The following TRDN variants were observed in gnomAD, a reference collection of about 807,000 sequenced individuals.
TRDN encodes triadin in skeletal muscle.
A neutral mutation model predicts 149.7 loss-of-function variants in TRDN; 161 were observed. That is an observed-to-expected ratio of 1.08 (90% CI 0.95 to 1.23). The LOEUF (loss-of-function observed/expected upper bound fraction) is 1.23. Among genes scored for constraint, TRDN ranks in the 50% most tolerant of loss-of-function variants. TRDN has a pLI of 0.00. For synonymous variants in TRDN, 294 were observed against 250.5 expected (o/e 1.17, Z -1.64); for missense variants, 896 against 823.5 (o/e 1.09, Z -1.08).
intron 12 of TRDN, among the ~76,000 whole-genome samples, chr6:123,434,957 T>G (rs1738639394): frequency 6.6e-6 from 1 of 151,746 alleles, no homozygotes; most frequent in African/African-American, 2.4e-5. Context: ...ACCTACAACT[T>G]CCCCAGAGAT....
Position 123,438,976 on chromosome 6 carries a change from T to G in TRDN, c.959A>C (p.Glu320Ala), listed in dbSNP as rs767864051. 6 of 1,561,746 alleles carry G rather than the reference T, an allele frequency of 3.8e-6. No individual in the cohort carries two copies. The highest frequency in any genetic ancestry group is 5.2e-6 in the Non-Finnish European group (6 of 1,151,644). Residue 320 changes from glutamate to alanine, a missense_variant, in exon 11 of 41, where the codon GAG becomes GCG. Physicochemically the swap from Glu to Ala is moderately radical, Grantham distance 107. Coordinates refer to ENST00000334268, the MANE Select transcript of TRDN (RefSeq NM_006073.4). ...EEKEGEKKKAEKKVTSETKKK... is the reference protein window; with the variant it reads ...EEKEGEKKKAAKKVTSETKKK... Reference sequence around the variant, plus strand: ...TTTTGTTTCAGAAGTAACTTTCTTCTCAGCCTTCTTCTTTTCCCCTTCTTT... The same window carrying G: ...TTTTGTTTCAGAAGTAACTTTCTTCGCAGCCTTCTTCTTTTCCCCTTCTTT...
chr6:123,282,092 A>G (rs191484185), intron 24 of TRDN, among the ~76,000 whole-genome samples: 85 of 152,124 alleles, frequency 5.6e-4, no homozygotes, highest in African/African-American at 2.0e-3. Context: ...GAGGGAATGT[A>G]ATATGAAGAC....
intron 1 of TRDN, among the ~76,000 whole-genome samples, chr6:123,578,995 A>T (rs774427312): frequency 9.2e-5 from 14 of 152,072 alleles, no homozygotes; most frequent in Non-Finnish European, 1.9e-4. Context: ...TTTGTACATT[A>T]CTTTGTATTC....
rs1346423471 is a variant in TRDN, at chr6:123,584,836, G to A, written c.23-13704C>T. Among the ~76,000 whole-genome samples the A allele has an allele frequency of 5.9e-5, 9 of 152,308 alleles. No individual in the cohort carries two copies. The East Asian group carries it at 1.7e-3, about 29-fold the overall frequency. On this transcript the variant is annotated intron_variant, in intron 1 of 40. Coordinates refer to ENST00000334268, the MANE Select transcript of TRDN (RefSeq NM_006073.4). ...GGTATTGAGGATAGGAGAGTATATG[G>A]ATTTGGAACCACGGGGTGGATAGGC...
At chr6:123,521,495 G>C (rs2114285460) in intron 5 of TRDN, among the ~76,000 whole-genome samples, 1 of 152,178 alleles carries the variant, frequency 6.6e-6, no homozygotes, top group Non-Finnish European at 1.5e-5. Context: ...CCCAAAGCTT[G>C]CCCGCAAACC....
At chr6:123,282,138 G>A (rs1777608151) in intron 24 of TRDN, among the ~76,000 whole-genome samples, 1 of 151,976 alleles carries the variant, frequency 6.6e-6, no homozygotes, top group South Asian at 2.1e-4. Context: ...CAGAGGCAGA[G>A]ACTGGAGGAT....
At chr6:123,290,571 C>G (rs563124745) in intron 24 of TRDN, among the ~76,000 whole-genome samples, 1 of 152,018 alleles carries the variant, frequency 6.6e-6, no homozygotes, top group African/African-American at 2.4e-5. Flanking sequence ...TAGAAGTGGT[C>G]TAGATAAAAC....
chr6:123,622,621 C>T (rs1378032901), intron 1 of TRDN, among the ~76,000 whole-genome samples: 1 of 152,042 alleles, frequency 6.6e-6, no homozygotes, highest in Non-Finnish European at 1.5e-5. Context: ...TGTTTTTAAA[C>T]ACTGAACTGA....
At position 123,560,594 on chromosome 6, in the gene TRDN, C is replaced by T. The variant is rs185740485; in HGVS notation, c.232+10329G>A. 1.4e-4 allele frequency among the ~76,000 whole-genome samples: 22 copies of T among 152,292 alleles called. No homozygotes were observed. The South Asian group carries it at 3.7e-3, about 26-fold the overall frequency. ...GCCATCAAAAGGGCTCAGATCCCAT[C>T]GCTCAGGACAATGCTTATGCTGATA... is the stretch of plus-strand genomic sequence containing the variant. On this transcript the variant is annotated intron_variant, in intron 2 of 40. Transcript: ENST00000334268.
chr6:123,436,405 A>G (rs915466450), intron 12 of TRDN, among the ~76,000 whole-genome samples: 9 of 152,292 alleles, frequency 5.9e-5, no homozygotes, highest in Non-Finnish European at 7.4e-5. Context: ...CAACTCTTGG[A>G]CACACAGAAT....
At chr6:123,271,343 G>A (rs1777200066) in intron 29 of TRDN, among the ~76,000 whole-genome samples, 157 bp from the exon 30 acceptor site, 1 of 151,924 alleles carries the variant, frequency 6.6e-6, no homozygotes, top group African/African-American at 2.4e-5. Context: ...CAAATTGGAT[G>A]AAAGCACAAA....
chr6:123,569,154 C>T (rs776268837), intron 2 of TRDN, among the ~76,000 whole-genome samples: 2 of 152,140 alleles, frequency 1.3e-5, no homozygotes, highest in African/African-American at 2.4e-5. Flanking sequence ...CTCTCAGGTC[C>T]GTACTTCTAC....
intron 35 of TRDN, among the ~76,000 whole-genome samples, chr6:123,258,773 T>C (rs1776651648): frequency 6.6e-6 from 1 of 152,096 alleles, no homozygotes; most frequent in South Asian, 2.1e-4. Context: ...TCCTGGGCTT[T>C]TGTTTTGGTT....
At chr6:123,542,618 GGAGATA>G (rs1780893326) in intron 4 of TRDN, among the ~76,000 whole-genome samples, 1 of 152,012 alleles carries the variant, frequency 6.6e-6, no homozygotes, top group African/African-American at 2.4e-5. Flanking sequence ...ACTGTAAAAA[GGAGATA>G]GAGATAGGTG....
intron 38 of TRDN, among the ~76,000 whole-genome samples, chr6:123,250,970 A>G (rs924418548): frequency 3.3e-5 from 5 of 152,076 alleles, no homozygotes; most frequent in African/African-American, 1.2e-4. Context: ...AGTCATTTCT[A>G]TCCTTTTCTC....
chr6:123,220,076 AG>A (rs549889057), intron 40 of TRDN, among the ~76,000 whole-genome samples: 158 of 152,070 alleles, frequency 1.0e-3, no homozygotes, highest in African/African-American at 3.7e-3. Flanking sequence ...TGTAAGACGA[AG>A]ATAGCAAATA....
intron 10 of TRDN, among the ~76,000 whole-genome samples, chr6:123,463,236 C>T: frequency 6.6e-6 from 1 of 151,608 alleles, no homozygotes; most frequent in East Asian, 1.9e-4. Flanking sequence ...ACTCGGGAGG[C>T]TGAGGCAGGA....
At chr6:123,419,647 G>T (rs761586114) in intron 12 of TRDN, among the ~76,000 whole-genome samples, 4 of 152,050 alleles carry the variant, frequency 2.6e-5, no homozygotes, top group African/African-American at 9.7e-5. Context: ...CACAGCACTC[G>T]CAAATACATA....
chr6:123,444,375 C>T (rs1391424793), intron 10 of TRDN, among the ~76,000 whole-genome samples: 2 of 135,536 alleles, frequency 1.5e-5, no homozygotes, highest in Non-Finnish European at 3.1e-5. Flanking sequence ...GATTTTGTAT[C>T]CTGAGACTTT....
Sources: gnomAD v4.1 joint callset for allele counts (sites outside exome capture counted in the v4.1 genomes callset) on GRCh38, gnomAD v4.1.1 for gene constraint, MANE v1.5 for transcripts, NCBI Gene and HGNC (gene_info 2026-07-23, HGNC 2026-07-21) for gene names.